LRP1B: variants seen among roughly 807,000 people sequenced by gnomAD.
LRP1B encodes low-density lipoprotein receptor-related protein 1B.
In LRP1B, 217 loss-of-function variants were observed where a neutral mutation model predicts 556.6. The ratio of observed to expected loss-of-function variants is 0.39; its 90% CI spans 0.35 to 0.44. The LOEUF is 0.44. Ranked by LOEUF, LRP1B falls within the 20% of genes least tolerant of loss-of-function variation. LRP1B has a pLI of 1.00. For synonymous variants in LRP1B, 2,047 were observed against 1,865.8 expected, an observed-to-expected ratio of 1.10 and a Z score of -2.50; for missense variants, 5,053 against 5,620.8, an observed-to-expected ratio of 0.90 and a Z score of 3.23.
chr2:141,539,258 T>C (rs1477207288), intron 2 of LRP1B, among the ~76,000 whole-genome samples: 1 of 152,116 alleles, frequency 6.6e-6, no homozygotes, highest in Non-Finnish European at 1.5e-5. Flanking sequence ...CGGCTGTTTT[T>C]CCAGCATTTA....
chr2:141,247,494 A>T, intron 4 of LRP1B, 140 bp from the exon 5 acceptor site: 1 of 855,050 alleles, frequency 1.2e-6, no homozygotes, highest in East Asian at 2.6e-5. Flanking sequence ...TCAAAACCAC[A>T]CTAACTAAAA....
chr2:141,834,766 T>A (rs1329186554), intron 1 of LRP1B, among the ~76,000 whole-genome samples: 1 of 151,844 alleles, frequency 6.6e-6, no homozygotes, highest in Non-Finnish European at 1.5e-5. Context: ...ACTGGAAAAC[T>A]TTTCAGTGAC....
At chr2:141,534,900 C>A (rs1332123498) in intron 2 of LRP1B, among the ~76,000 whole-genome samples, 1 of 152,006 alleles carries the variant, frequency 6.6e-6, no homozygotes, top group African/African-American at 2.4e-5. Flanking sequence ...GTCTGTTTCC[C>A]CCCACTACTT....
intron 6 of LRP1B, among the ~76,000 whole-genome samples, chr2:141,228,170 G>A (rs1354234503): frequency 6.6e-6 from 1 of 152,072 alleles, no homozygotes; most frequent in Non-Finnish European, 1.5e-5. Flanking sequence ...ACCCACCTTG[G>A]CCTCCCAAAG....
chr2:140,519,308 A>C (rs969783216), intron 49 of LRP1B, among the ~76,000 whole-genome samples: 7 of 152,126 alleles, frequency 4.6e-5, no homozygotes, highest in African/African-American at 1.7e-4. Context: ...ATAACACTAC[A>C]CGTCTACAAC....
intron 71 of LRP1B, among the ~76,000 whole-genome samples, chr2:140,369,953 C>T (rs993134336): frequency 5.3e-5 from 8 of 151,860 alleles, no homozygotes; most frequent in Non-Finnish European, 4.4e-5. Flanking sequence ...GTAAGTAGGT[C>T]ACAAGATATC....
intron 49 of LRP1B, among the ~76,000 whole-genome samples, chr2:140,521,086 A>G (rs1057392993): frequency 2.0e-5 from 3 of 152,038 alleles, no homozygotes; most frequent in Non-Finnish European, 4.4e-5. Context: ...ATTGAGATTC[A>G]TGAGAGAGAA....
chr2:141,480,273 A>C lies in LRP1B; in HGVS notation c.343+123T>G, dbSNP rs1365191616. ...ATTAAAATGTCTGGCAGTAAAATTC[A>C]TGCTTTCTTAATAACTGATATGCTT... On this transcript the variant is annotated intron_variant, in intron 3 of 90. Transcript: ENST00000389484. 50 of 1,095,304 alleles carry C rather than the reference A, an allele frequency of 4.6e-5. No homozygotes were observed. The East Asian group carries it at 1.3e-3, about 28-fold the overall frequency. The allele number at this position is 1,095,304 out of a possible 1,614,324, so 67.8% of individuals were successfully genotyped here. A position where few individuals can be genotyped will look rare whatever the true frequency, so the allele number is the denominator to read the frequency against.
intron 35 of LRP1B, among the ~76,000 whole-genome samples, chr2:140,744,380 G>A (rs992396064): frequency 1.3e-5 from 2 of 152,140 alleles, no homozygotes; most frequent in Non-Finnish European, 2.9e-5. Flanking sequence ...CTGAAGGACA[G>A]TGTTTAAGAT....
At chr2:140,683,077 G>C (rs1353140831) in intron 41 of LRP1B, among the ~76,000 whole-genome samples, 1 of 152,162 alleles carries the variant, frequency 6.6e-6, no homozygotes, top group African/African-American at 2.4e-5. Context: ...CAGAATGGCA[G>C]ACTACGCTGA....
At chr2:141,539,197 C>A (rs1685165720) in intron 2 of LRP1B, among the ~76,000 whole-genome samples, 2 of 132,426 alleles carry the variant, frequency 1.5e-5, no homozygotes, top group South Asian at 4.4e-4. Context: ...AGTGATGACC[C>A]AGGAAGTTAT....
intron 67 of LRP1B, among the ~76,000 whole-genome samples, chr2:140,380,600 T>C (rs1683430947): frequency 6.6e-6 from 1 of 152,166 alleles, no homozygotes; most frequent in South Asian, 2.1e-4. Flanking sequence ...AAACATGTCG[T>C]GCTTACATGT....
chr2:140,717,585 T>C (rs779126481), intron 35 of LRP1B, among the ~76,000 whole-genome samples: 3 of 152,098 alleles, frequency 2.0e-5, no homozygotes, highest in Non-Finnish European at 4.4e-5. Context: ...TAAAGGGTAG[T>C]AATTACAGGC....
At chr2:141,746,270 C>G (rs1348227085) in intron 2 of LRP1B, among the ~76,000 whole-genome samples, 1 of 152,080 alleles carries the variant, frequency 6.6e-6, no homozygotes. Flanking sequence ...TATTTAAGGT[C>G]TTGGAGCAAT....
intron 7 of LRP1B, among the ~76,000 whole-genome samples, chr2:141,181,704 A>T (rs1490592215): frequency 6.6e-6 from 1 of 151,856 alleles, no homozygotes; most frequent in East Asian, 1.9e-4. Context: ...CATATAAACC[A>T]CTCCAAGTTT....
intron 31 of LRP1B, among the ~76,000 whole-genome samples, chr2:140,820,965 T>C (rs1301499048): frequency 6.6e-6 from 1 of 151,910 alleles, no homozygotes; most frequent in Non-Finnish European, 1.5e-5. Context: ...TTTCAAAATA[T>C]TATCAATTTG....
At chr2:140,346,318 GTAAT>G (rs1158028681) in intron 77 of LRP1B, among the ~76,000 whole-genome samples, 9 of 151,716 alleles carry the variant, frequency 5.9e-5, no homozygotes, top group Admixed American at 2.6e-4. Flanking sequence ...TAAATATTGT[GTAAT>G]TAAGGAACTA....
intron 2 of LRP1B, among the ~76,000 whole-genome samples, chr2:141,573,398 A>T (rs1249782588): frequency 6.6e-6 from 1 of 152,176 alleles, no homozygotes. Context: ...GAAACCAATG[A>T]GCATAAAGAG....
chr2:140,463,029 G>C (rs971642188), intron 60 of LRP1B, among the ~76,000 whole-genome samples: 4 of 152,104 alleles, frequency 2.6e-5, no homozygotes, highest in African/African-American at 9.7e-5. Context: ...GAAGTGATGA[G>C]AAAGAAAAAC....
Sources: gnomAD v4.1 joint callset for allele counts (sites outside exome capture counted in the v4.1 genomes callset) on GRCh38, gnomAD v4.1.1 for gene constraint, MANE v1.5 for transcripts, NCBI Gene and HGNC (gene_info 2026-07-23, HGNC 2026-07-21) for gene names.